The following BAAT variants were observed in gnomAD, a reference collection of about 807,000 sequenced individuals.
The protein encoded by BAAT is bile acid CoA: amino acid N-acyltransferase (glycine N-choloyltransferase).
In BAAT, 13 loss-of-function variants were observed where a neutral mutation model predicts 18.9. The observed-to-expected ratio is 0.69, with a 90% CI of 0.45 to 1.10. BAAT has a LOEUF of 1.10. Among genes scored for constraint, BAAT ranks in the 50% least tolerant of loss-of-function variants. The pLI, the probability that BAAT is intolerant of heterozygous loss-of-function variation, is 0.00. For missense variants in BAAT, 489 were observed against 504.0 expected, an observed-to-expected ratio of 0.97 and a Z score of 0.28; for synonymous variants, 170 against 190.7, an observed-to-expected ratio of 0.89 and a Z score of 0.89.
At position 101,362,509 on chromosome 9, in the gene BAAT, T is replaced by TG; in HGVS notation, c.1175dup (p.Ala393SerfsTer36). On this transcript the variant is annotated frameshift_variant, in exon 4 of 4. Transcript: ENST00000259407. LOFTEE classifies it high-confidence loss of function. Reference sequence around the variant, plus strand: ...CCTTCCAAGCATGTTCCTGTGCAGCTGCGTGTGGGATCACCTCTCCTCCCC... The same window carrying TG: ...CCTTCCAAGCATGTTCCTGTGCAGCTGGCGTGTGGGATCACCTCTCCTCCCC... The TG allele has an allele frequency of 1.2e-6, 2 of 1,614,150 alleles. No individual in the cohort carries two copies. Among genetic ancestry groups the TG allele is most frequent in the Non-Finnish European group, 1.7e-6 (2 of 1,180,020 alleles).
At chr9:101,369,955 A>G (rs1268682920) in intron 2 of BAAT, among the ~76,000 whole-genome samples, 1 of 152,182 alleles carries the variant, frequency 6.6e-6, no homozygotes, top group Non-Finnish European at 1.5e-5. Flanking sequence ...AGCATGCTAT[A>G]TTATTAGATT....
chr9:101,367,897 G>C (rs922709863), intron 3 of BAAT, among the ~76,000 whole-genome samples: 6 of 152,176 alleles, frequency 3.9e-5, no homozygotes, highest in African/African-American at 1.4e-4. Context: ...TAATTCACAT[G>C]ATTTATTTCT....
intron 1 of BAAT, chr9:101,376,311 A>G (rs914660580): frequency 9.8e-6 from 2 of 203,720 alleles, no homozygotes; most frequent in Non-Finnish European, 2.2e-5. Context: ...TTGCTTTCCT[A>G]GATGCAAGGC....
chr9:101,362,966 A>T lies in BAAT; in HGVS notation c.719T>A (p.Ile240Asn). Residue 240 changes from isoleucine (I) to asparagine (N), a missense_variant, in exon 4 of 4, where the codon ATT becomes AAT. Coordinates refer to ENST00000259407, the MANE Select transcript of BAAT (RefSeq NM_001701.4). Reference protein sequence around the residue: ...GVVSVCQGVQIGLSMAIYLKQ... With the variant: ...GVVSVCQGVQNGLSMAIYLKQ... Reference sequence around the variant, plus strand: ...TAGGTAAATAGCCATAGATAGTCCAATCTGTACTCCTTGACATACAGAGAC... The same window carrying T: ...TAGGTAAATAGCCATAGATAGTCCATTCTGTACTCCTTGACATACAGAGAC... The T allele has an allele frequency of 6.2e-7, 1 of 1,614,102 alleles. No individual in the cohort carries two copies.
chr9:101,382,091 T>G (rs1175233941), intron 1 of BAAT, among the ~76,000 whole-genome samples: 1 of 152,196 alleles, frequency 6.6e-6, no homozygotes. Context: ...TAGCTAGTCA[T>G]GCATGAGTGG....
chr9:101,371,620 A>C, intron 1 of BAAT, 157 bp from the exon 2 acceptor site: 1 of 600,650 alleles, frequency 1.7e-6, no homozygotes, highest in Non-Finnish European at 2.9e-6. Flanking sequence ...GACACCTGAG[A>C]GCTTTCAATG....
Position 101,363,013 on chromosome 9 carries a change from G to A in BAAT, c.672C>T (p.Val224=), listed in dbSNP as rs761880919. The A allele has an allele frequency of 6.8e-6, 11 of 1,612,554 alleles. No homozygotes were observed. In the Admixed American group the frequency reaches 1.0e-4, roughly 15 times the overall value. The change falls in exon 4 of 4, where the codon GTC becomes GTT. Residue 224 remains valine, a splice_region_variant and synonymous_variant. Transcript: ENST00000259407. ...AGACTACCCCAACGCCTGAGCCAAA[G>A]ACCTGAAAAAAATAATAGAAATGAG... The part of the protein sequence containing the change: ...AANFLLRHPK[V]FGSGVGVVSV...
intron 1 of BAAT, among the ~76,000 whole-genome samples, chr9:101,372,055 C>G (rs531919178): frequency 5.9e-4 from 90 of 152,134 alleles, no homozygotes; most frequent in Non-Finnish European, 1.1e-3. Context: ...AATGAAGAAA[C>G]AGATAACCAA....
intron 3 of BAAT, among the ~76,000 whole-genome samples, chr9:101,365,096 A>G (rs546612307): frequency 2.0e-5 from 3 of 152,334 alleles, no homozygotes; most frequent in African/African-American, 2.4e-5. Flanking sequence ...CCAGTTACCA[A>G]TTTGGTTGGG....
rs922465345 is a variant in BAAT at position 101,361,280 on chromosome 9, C to T, written c.*1148G>A. On this transcript the variant is annotated 3_prime_UTR_variant, in exon 4 of 4. Coordinates refer to ENST00000259407, the MANE Select transcript of BAAT (RefSeq NM_001701.4). The stretch of plus-strand genomic sequence containing the variant: ...ATTCCTCAAGGATACTGCATTTGGA[C>T]ATAATACAAATTGGCAGTTTGGAAT... 6.5e-6 allele frequency: 1 copy of T among 154,052 alleles called. No individual in the cohort carries two copies. Among genetic ancestry groups the T allele is most frequent in the African/African-American group, 2.4e-5 (1 of 41,496 alleles). 9.5% of individuals were successfully genotyped at this position (154,052 alleles called of 1,614,324 possible). A position where few individuals can be genotyped will look rare whatever the true frequency, so the allele number is the denominator to read the frequency against.
At chr9:101,375,563 GT>G in intron 1 of BAAT, 1 of 165,656 alleles carries the variant, frequency 6.0e-6, no homozygotes, top group Non-Finnish European at 1.3e-5. Context: ...TGATTTCTGT[GT>G]TAGGCATTGC....
intron 2 of BAAT, 113 bp downstream of exon 2, chr9:101,370,826 A>G (rs904250423): frequency 1.6e-6 from 2 of 1,235,324 alleles, no homozygotes; most frequent in African/African-American, 1.5e-5. Context: ...TGGAAAAACA[A>G]TAATAACAAT....
rs1829748249 is a variant in BAAT, at chr9:101,362,579, G to A, written c.1106C>T (p.Ser369Phe). 1.2e-6 allele frequency: 2 copies of A among 1,614,140 alleles called. No individual in the cohort carries two copies. Among genetic ancestry groups the A allele is most frequent in the Non-Finnish European group, 1.7e-6 (2 of 1,180,024 alleles). ...GAGHLIEPPYSPLCCASTTHD... is the reference protein window; with the variant it reads ...GAGHLIEPPYFPLCCASTTHD... The stretch of plus-strand genomic sequence containing the variant: ...GGTCGTTGAGGCACAGCACAGAGGA[G>A]AATAGGGAGGTTCTATCAGGTGGCC... Residue 369 changes from serine to phenylalanine, a missense_variant, in exon 4 of 4, where the codon TCT becomes TTT. By Grantham distance (155) the Ser-to-Phe change is radical. Transcript: ENST00000259407.
rs865894812 is a variant in BAAT, at chr9:101,362,719, G to A, written c.966C>T (p.Phe322=). Residue 322 remains phenylalanine, a synonymous_variant, in exon 4 of 4, where the codon TTC becomes TTT. Coordinates refer to ENST00000259407, the MANE Select transcript of BAAT (RefSeq NM_001701.4). The stretch of plus-strand genomic sequence containing the variant: ...TAGTCTTATCACCTTCTCCTACAAT[G>A]AAGAGGAATTGCCCCTGGGCCTCTT... ...PIEEAQGQFL[F]IVGEGDKTIN... 6.2e-7 allele frequency: 1 copy of A among 1,614,190 alleles called. No homozygotes were observed. Among genetic ancestry groups the A allele is most frequent in the Non-Finnish European group, 8.5e-7 (1 of 1,180,038 alleles).
intron 2 of BAAT, 36 bp from the exon 3 acceptor site, chr9:101,368,358 A>G (rs776435352): frequency 6.3e-7 from 1 of 1,584,644 alleles, no homozygotes; most frequent in South Asian, 1.1e-5. Flanking sequence ...ACATGAAGAG[A>G]AGGTGTGGAA....
chr9:101,384,429 A>C (rs1830173442), intron 1 of BAAT, among the ~76,000 whole-genome samples: 1 of 152,188 alleles, frequency 6.6e-6, no homozygotes. Context: ...TCATACCTAA[A>C]AGGTTGGCAA....
Position 101,362,591 on chromosome 9 carries a change from T to A in BAAT, c.1094A>T (p.Glu365Val), listed in dbSNP as rs771886335. The change falls in exon 4 of 4, where the codon GAA (glutamate) becomes GTA (valine). Residue 365 changes from glutamate (E) to valine (V), a missense_variant. By Grantham distance (121) the Glu-to-Val change is moderately radical (BLOSUM62 -2). Transcript: ENST00000259407. Reference protein sequence around the residue: ...LSYPGAGHLIEPPYSPLCCAS... With the variant: ...LSYPGAGHLIVPPYSPLCCAS... ...ACAGCACAGAGGAGAATAGGGAGGT[T>A]CTATCAGGTGGCCTGCCCCAGGGTA... The A allele has an allele frequency of 4.3e-6, 7 of 1,614,122 alleles. No individual in the cohort carries two copies. The highest frequency in any genetic ancestry group is 5.9e-6 in the Non-Finnish European group (7 of 1,180,020).
At chr9:101,380,915 G>T (rs1830122446) in intron 1 of BAAT, among the ~76,000 whole-genome samples, 1 of 151,806 alleles carries the variant, frequency 6.6e-6, no homozygotes, top group African/African-American at 2.4e-5. Context: ...ACCATGCCTG[G>T]CCAATTTTTT....
chr9:101,372,290 A>G (rs1320821863), intron 1 of BAAT, among the ~76,000 whole-genome samples: 1 of 63,808 alleles, frequency 1.6e-5, no homozygotes, highest in Non-Finnish European at 4.3e-5. Context: ...CCTAAAATGA[A>G]AGTTAAAAAA....
Sources: gnomAD v4.1 joint callset for allele counts (sites outside exome capture counted in the v4.1 genomes callset) on GRCh38, gnomAD v4.1.1 for gene constraint, MANE v1.5 for transcripts, NCBI Gene and HGNC (gene_info 2026-07-23, HGNC 2026-07-21) for gene names.